The following GLI3 variants were observed in gnomAD, a reference collection of about 807,000 sequenced individuals.
GLI3 encodes the protein transcription activator GLI3.
A neutral mutation model predicts 100.8 loss-of-function variants in GLI3; 20 were observed. The observed-to-expected ratio is 0.20, with a 90% CI of 0.14 to 0.29. The LOEUF is 0.29. Among genes scored for constraint, GLI3 ranks in the 10% least tolerant of loss-of-function variants. The pLI is 1.00. For missense variants in GLI3, 2,040 were observed against 2,128.5 expected, an observed-to-expected ratio of 0.96 and a Z score of 0.82; for synonymous variants, 938 against 860.5, an observed-to-expected ratio of 1.09 and a Z score of -1.58.
chr7:42,026,537 T>A, intron 7 of GLI3, 125 bp from the exon 8 acceptor site: 1 of 779,078 alleles, frequency 1.3e-6, no homozygotes. Flanking sequence ...AATGAGAAGG[T>A]AGGATTATTG....
chr7:42,129,265 T>C (rs1786211854), intron 3 of GLI3, among the ~76,000 whole-genome samples: 1 of 152,212 alleles, frequency 6.6e-6, no homozygotes, highest in African/African-American at 2.4e-5. Context: ...AAAGGCTAAG[T>C]AATTTGCCCA....
chr7:42,084,240 T>C (rs1785055145), intron 3 of GLI3, among the ~76,000 whole-genome samples: 2 of 152,268 alleles, frequency 1.3e-5, no homozygotes, highest in African/African-American at 4.8e-5. Context: ...AGATCCCTTC[T>C]GTGCTCCTCA....
At chr7:42,240,600 C>A (rs988183273), upstream of GLI3, among the ~76,000 whole-genome samples, 1 of 152,174 alleles carries the variant, frequency 6.6e-6, no homozygotes, top group African/African-American at 2.4e-5. Flanking sequence ...CCTCATATGG[C>A]ATTCTCCCTT....
chr7:42,000,898 A>C (rs1402075240), intron 10 of GLI3, among the ~76,000 whole-genome samples: 2 of 152,176 alleles, frequency 1.3e-5, no homozygotes, highest in Admixed American at 6.5e-5. Context: ...ACCAGACCTG[A>C]ACTTCACGTA....
At chr7:42,025,069 T>C (rs895733326) in intron 9 of GLI3, among the ~76,000 whole-genome samples, 195 bp downstream of exon 9, 2 of 152,264 alleles carry the variant, frequency 1.3e-5, no homozygotes. Context: ...TGTTTGCTTC[T>C]GAGCTAGAAA....
At chr7:42,112,829 T>A (rs1373139224) in intron 3 of GLI3, among the ~76,000 whole-genome samples, 3 of 151,980 alleles carry the variant, frequency 2.0e-5, no homozygotes, top group Admixed American at 6.6e-5. Flanking sequence ...CCACATGAGA[T>A]CATGCATCCC....
intron 4 of GLI3, among the ~76,000 whole-genome samples, chr7:42,058,944 T>A (rs1015479829): frequency 6.6e-6 from 1 of 152,190 alleles, no homozygotes; most frequent in Non-Finnish European, 1.5e-5. Flanking sequence ...CACTGTAACA[T>A]GCAATGCACT....
At position 42,025,365 on chromosome 7, in the gene GLI3, T is replaced by C; in HGVS notation, c.1255A>G (p.Ser419Gly). Residue 419 changes from serine (S) to glycine (G), a missense_variant, in exon 9 of 15, where the codon AGT (serine) becomes GGT (glycine). This residue lies in a region of GLI3 where 603 missense variants were observed against 690.9 expected (regional missense o/e 0.87). Transcript: ENST00000395925. ...CCAGTGCTGCTCACTGCAGACTCAC[T>C]CGTGGGCTTGTTCTGCTGGTCACAT... ...PSESSQNKPT[S>G]ESAVSSTGDP... The C allele has an allele frequency of 1.9e-6, 3 of 1,613,230 alleles. No individual in the cohort carries two copies. Among genetic ancestry groups the C allele is most frequent in the Non-Finnish European group, 2.5e-6 (3 of 1,179,206 alleles).
At chr7:42,232,138 TAAAA>T (rs1318927243) in intron 1 of GLI3, among the ~76,000 whole-genome samples, 1 of 150,234 alleles carries the variant, frequency 6.7e-6, no homozygotes, top group Non-Finnish European at 1.5e-5. Flanking sequence ...CCTCCCCTCT[TAAAA>T]AAGAAAAGAA....
At chr7:42,035,655 T>G (rs1021389301) in intron 7 of GLI3, among the ~76,000 whole-genome samples, 3 of 152,236 alleles carry the variant, frequency 2.0e-5, no homozygotes, top group African/African-American at 2.4e-5. Flanking sequence ...TACTCATTTC[T>G]TCATCCCATT....
At chr7:42,249,185 AC>A (rs1396900544) in intron 1 of GLI3, among the ~76,000 whole-genome samples, 2 of 152,128 alleles carry the variant, frequency 1.3e-5, no homozygotes, top group African/African-American at 4.8e-5. Context: ...TATGTAAAAG[AC>A]CACAACTTTT....
At chr7:41,983,846 G>A (rs898504043) in intron 10 of GLI3, among the ~76,000 whole-genome samples, 1 of 152,136 alleles carries the variant, frequency 6.6e-6, no homozygotes, top group Non-Finnish European at 1.5e-5. Flanking sequence ...TTTCCAATTG[G>A]GGCTCCAAGC....
In GLI3 at chr7:42,262,223, T is replaced by TA. The variant is rs1562803635; in HGVS notation, c.-43+1770_-43+1771insT. ...TTCCTTCCTTCTTTCCTTCCTTCCT[T>TA]CTTTCCTTCCTTCCTTCCTTCCTTT... On this transcript the variant is annotated intron_variant, in intron 1 of 2. Coordinates refer to the GLI3 transcript ENST00000678978. Among the ~76,000 whole-genome samples, 121 of 135,172 alleles carry TA rather than the reference T, an allele frequency of 9.0e-4. 4 individuals are homozygous for TA. Among genetic ancestry groups the TA allele is most frequent in the Middle Eastern group, 3.8e-3 (1 of 260 alleles). 88.7% of individuals were successfully genotyped at this position (135,172 alleles called of 152,430 possible).
At chr7:42,017,402 A>T (rs572525506) in intron 10 of GLI3, among the ~76,000 whole-genome samples, 1 of 152,310 alleles carries the variant, frequency 6.6e-6, no homozygotes, top group East Asian at 1.9e-4. Context: ...GGATGAATGA[A>T]TTAAGAAAGT....
At chr7:41,992,500 C>A (rs1485196920) in intron 10 of GLI3, among the ~76,000 whole-genome samples, 2 of 152,058 alleles carry the variant, frequency 1.3e-5, no homozygotes, top group Non-Finnish European at 2.9e-5. Context: ...GGAATGTGGG[C>A]CCCTTCCCTA....
chr7:42,005,797 G>A (rs569954761), intron 10 of GLI3, among the ~76,000 whole-genome samples: 49 of 152,156 alleles, frequency 3.2e-4, no homozygotes, highest in Middle Eastern at 3.4e-3. Flanking sequence ...TGTTCCTCTC[G>A]AGTTCTAAAG....
intron 4 of GLI3, among the ~76,000 whole-genome samples, chr7:42,061,914 G>C (rs772057090): frequency 1.3e-5 from 2 of 152,126 alleles, no homozygotes; most frequent in Non-Finnish European, 2.9e-5. Context: ...GCATCATGGA[G>C]GACTGAAAAT....
intron 3 of GLI3, among the ~76,000 whole-genome samples, chr7:42,108,460 C>T (rs1012623661): frequency 6.6e-6 from 1 of 152,114 alleles, no homozygotes; most frequent in East Asian, 1.9e-4. Flanking sequence ...GAGCTGATGG[C>T]GCTTTCCGCA....
intron 3 of GLI3, among the ~76,000 whole-genome samples, chr7:42,125,831 C>T (rs1437782234): frequency 6.6e-6 from 1 of 152,002 alleles, no homozygotes; most frequent in Admixed American, 6.6e-5. Flanking sequence ...TGGAGCTGGG[C>T]GCCAAGATAG....
Sources: allele counts gnomAD v4.1 joint callset (sites outside exome capture counted in the v4.1 genomes callset), GRCh38; gene constraint gnomAD v4.1.1; regional missense constraint gnomAD v4.1.1; transcripts MANE v1.5; gene names NCBI Gene and HGNC (gene_info 2026-07-23, HGNC 2026-07-21).